The following ST6GALNAC5 variants were observed in gnomAD, a reference collection of about 807,000 sequenced individuals.
The protein encoded by ST6GALNAC5 is ST6 N-acetylgalactosaminide alpha-2,6-sialyltransferase 5.
Under a neutral mutation model 33.6 loss-of-function variants are expected in ST6GALNAC5, and 27 were observed. The observed-to-expected ratio is 0.80, with a 90% CI of 0.59 to 1.11. ST6GALNAC5 has a LOEUF of 1.11. Ranked by LOEUF, ST6GALNAC5 falls within the 50% of genes least tolerant of loss-of-function variation. The pLI, the probability that ST6GALNAC5 is intolerant of heterozygous loss-of-function variation, is 0.00. For missense variants in ST6GALNAC5, 428 were observed against 454.0 expected, an observed-to-expected ratio of 0.94 and a Z score of 0.52; for synonymous variants, 194 against 171.2, an observed-to-expected ratio of 1.13 and a Z score of -1.04.
intron 2 of ST6GALNAC5, among the ~76,000 whole-genome samples, chr1:77,036,465 G>A (rs1651649343): frequency 1.3e-5 from 2 of 152,256 alleles, no homozygotes; most frequent in Middle Eastern, 3.4e-3. Context: ...AAATAGAATG[G>A]AATTAAATAA....
At chr1:77,026,138 T>G (rs557207121) in intron 2 of ST6GALNAC5, among the ~76,000 whole-genome samples, 39 of 152,300 alleles carry the variant, frequency 2.6e-4, no homozygotes, top group Middle Eastern at 3.4e-3. Flanking sequence ...ATGGCACTTA[T>G]GTGGTTTATT....
intron 2 of ST6GALNAC5, among the ~76,000 whole-genome samples, chr1:76,971,344 C>T (rs993669478): frequency 6.6e-6 from 1 of 152,124 alleles, no homozygotes; most frequent in African/African-American, 2.4e-5. Context: ...TATAGCTACC[C>T]CCAAGTGTTA....
intron 2 of ST6GALNAC5, among the ~76,000 whole-genome samples, chr1:77,041,381 T>C (rs1257176435): frequency 6.6e-6 from 1 of 152,216 alleles, no homozygotes; most frequent in African/African-American, 2.4e-5. Flanking sequence ...TTATTAAGGT[T>C]GGCGCAAAAG....
At chr1:76,978,524 ACT>A (rs1405765111) in intron 2 of ST6GALNAC5, among the ~76,000 whole-genome samples, 1 of 152,318 alleles carries the variant, frequency 6.6e-6, no homozygotes, top group African/African-American at 2.4e-5. Flanking sequence ...AAGAATAAAA[ACT>A]CTATGATCAT....
At chr1:77,060,793 A>G (rs1469063600) in intron 4 of ST6GALNAC5, among the ~76,000 whole-genome samples, 1 of 152,114 alleles carries the variant, frequency 6.6e-6, no homozygotes, top group Non-Finnish European at 1.5e-5. Flanking sequence ...TGCCGAATCA[A>G]TCTTATGATA....
chr1:76,973,211 C>A (rs940476525), intron 2 of ST6GALNAC5, among the ~76,000 whole-genome samples: 1 of 151,758 alleles, frequency 6.6e-6, no homozygotes, highest in Non-Finnish European at 1.5e-5. Context: ...CAGTGTTCTT[C>A]AGACAAACAG....
chr1:77,055,600 C>T (rs1218687851), intron 4 of ST6GALNAC5, among the ~76,000 whole-genome samples: 5 of 152,200 alleles, frequency 3.3e-5, no homozygotes, highest in African/African-American at 1.2e-4. Context: ...ATGCAGTCTG[C>T]AGGGCTCAAG....
chr1:76,905,631 T>C (rs1477257217), intron 2 of ST6GALNAC5, among the ~76,000 whole-genome samples: 1 of 152,200 alleles, frequency 6.6e-6, no homozygotes, highest in East Asian at 1.9e-4. Flanking sequence ...TTGAGTTCTG[T>C]GAAATACTAA....
intron 2 of ST6GALNAC5, among the ~76,000 whole-genome samples, chr1:77,022,205 A>C (rs945154341): frequency 1.3e-5 from 2 of 152,210 alleles, no homozygotes; most frequent in African/African-American, 4.8e-5. Context: ...CACCTCTCTG[A>C]AGCAGAAACC....
At chr1:77,052,508 C>A (rs1029808049) in intron 4 of ST6GALNAC5, among the ~76,000 whole-genome samples, 1 of 152,102 alleles carries the variant, frequency 6.6e-6, no homozygotes, top group Non-Finnish European at 1.5e-5. Flanking sequence ...GTGTTGGATG[C>A]AGTTCCTAGC....
intron 2 of ST6GALNAC5, among the ~76,000 whole-genome samples, chr1:76,978,062 T>A (rs2100376448): frequency 6.6e-6 from 1 of 152,300 alleles, no homozygotes; most frequent in South Asian, 2.1e-4. Flanking sequence ...GATTTGCATT[T>A]CCCTGATTAT....
At chr1:77,032,570 T>A (rs1030097143) in intron 2 of ST6GALNAC5, among the ~76,000 whole-genome samples, 8 of 152,164 alleles carry the variant, frequency 5.3e-5, no homozygotes, top group African/African-American at 1.9e-4. Flanking sequence ...AATTGAGCCA[T>A]AATAATACTA....
intron 2 of ST6GALNAC5, among the ~76,000 whole-genome samples, chr1:76,914,433 T>A (rs1349477948): frequency 2.6e-5 from 4 of 152,150 alleles, no homozygotes; most frequent in Non-Finnish European, 1.5e-5. Context: ...CTACCTGACT[T>A]CAAACTCTAC....
intron 2 of ST6GALNAC5, among the ~76,000 whole-genome samples, chr1:77,009,461 C>T (rs1441660424): frequency 6.6e-6 from 1 of 151,932 alleles, no homozygotes; most frequent in Non-Finnish European, 1.5e-5. Context: ...GGGGAAATTG[C>T]AAGGCTTTGG....
At chr1:76,970,197 G>T (rs1367491227) in intron 2 of ST6GALNAC5, among the ~76,000 whole-genome samples, 1 of 152,034 alleles carries the variant, frequency 6.6e-6, no homozygotes, top group Admixed American at 6.6e-5. Context: ...GCTGGATGGA[G>T]AATGACTTAG....
intron 2 of ST6GALNAC5, among the ~76,000 whole-genome samples, chr1:77,013,322 G>A (rs1475378825): frequency 6.6e-6 from 1 of 152,208 alleles, no homozygotes; most frequent in African/African-American, 2.4e-5. Context: ...GACAATGGAA[G>A]GCATGAAAAG....
chr1:76,901,433 G>A (rs962009467), intron 2 of ST6GALNAC5, among the ~76,000 whole-genome samples: 6 of 152,112 alleles, frequency 3.9e-5, no homozygotes, highest in African/African-American at 1.2e-4. Context: ...GTTTTTATGT[G>A]GAAGCATTCA....
chr1:76,992,096 A>G (rs1249806982), intron 2 of ST6GALNAC5, among the ~76,000 whole-genome samples: 2 of 151,978 alleles, frequency 1.3e-5, no homozygotes, highest in Non-Finnish European at 2.9e-5. Flanking sequence ...GTAATCATCA[A>G]CACCTTATCC....
intron 4 of ST6GALNAC5, among the ~76,000 whole-genome samples, chr1:77,062,263 A>C (rs988575155): frequency 2.0e-5 from 3 of 152,218 alleles, no homozygotes; most frequent in Admixed American, 1.3e-4. Flanking sequence ...AATTCCAGAC[A>C]GCAATTGATG....
Sources: gnomAD v4.1 joint callset for allele counts (sites outside exome capture counted in the v4.1 genomes callset) on GRCh38, gnomAD v4.1.1 for gene constraint, MANE v1.5 for transcripts, NCBI Gene and HGNC (gene_info 2026-07-23, HGNC 2026-07-21) for gene names.